Variants in NECTIN3 observed in about 807,000 individuals in gnomAD.
NECTIN3 encodes nectin cell adhesion molecule 3, also known as nectin-3.
Under a neutral mutation model 49.4 loss-of-function variants are expected in NECTIN3, and 8 were observed. The observed-to-expected ratio is 0.16, with a 90% CI of 0.10 to 0.29. NECTIN3 has a LOEUF of 0.29. NECTIN3 is among the 10% of genes least tolerant of loss of function. The pLI, the probability that NECTIN3 is intolerant of heterozygous loss-of-function variation, is 1.00. For missense variants in NECTIN3, 581 were observed against 654.6 expected, an observed-to-expected ratio of 0.89 and a Z score of 1.23; for synonymous variants, 277 against 241.1, an observed-to-expected ratio of 1.15 and a Z score of -1.38.
chr3:111,104,904 A>C (rs899605725), intron 1 of NECTIN3, among the ~76,000 whole-genome samples: 3 of 152,162 alleles, frequency 2.0e-5, no homozygotes, highest in Non-Finnish European at 4.4e-5. Context: ...GTTTCGAATA[A>C]AGATGGGAAT....
In NECTIN3 at chr3:111,118,684, G is replaced by T. The variant is rs545246400; in HGVS notation, c.531G>T (p.Gly177=). ...AACCCACTGTGAGCCTGATAAAAGG[G>T]CCAGATTCTTTAATTGATGGAGGAA... ...LVEPTVSLIK[G]PDSLIDGGNE... Residue 177 remains glycine, a synonymous_variant, in exon 3 of 6, where the codon GGG becomes GGT. Transcript: ENST00000485303. 6.2e-7 allele frequency: 1 copy of T among 1,608,944 alleles called. No homozygotes were observed. Among genetic ancestry groups the T allele is most frequent in the East Asian group, 2.2e-5 (1 of 44,592 alleles).
rs1217240846 is a variant in NECTIN3 at position 111,136,052 on chromosome 3, G to C, written c.*1837G>C. 1 of 980,632 alleles carries C rather than the reference G, an allele frequency of 1.0e-6. No homozygotes were observed. Among genetic ancestry groups the C allele is most frequent in the Non-Finnish European group, 1.2e-6 (1 of 825,926 alleles). 60.7% of individuals were successfully genotyped at this position (980,632 alleles called of 1,614,324 possible). ...AACTTTTTGATAAAACACTGTGATT[G>C]ATGTGACTTTATTTTTAATTTAAAC... On this transcript the variant is annotated 3_prime_UTR_variant, in exon 6 of 6. Transcript: ENST00000485303.
intron 1 of NECTIN3, among the ~76,000 whole-genome samples, chr3:111,086,722 C>T (rs928415411): frequency 2.0e-5 from 3 of 152,066 alleles, no homozygotes; most frequent in Non-Finnish European, 4.4e-5. Flanking sequence ...TTTTCCTTTC[C>T]ACATAAATTT....
In NECTIN3 at chr3:111,072,543, CT is replaced by C. The variant is rs771311098; in HGVS notation, c.160+373del. 3.9e-6 allele frequency: 6 copies of C among 1,535,634 alleles called. No individual in the cohort carries two copies. The South Asian group carries it at 4.8e-5, about 12-fold the overall frequency. On this transcript the variant is annotated intron_variant, in intron 1 of 5. Transcript: ENST00000485303. Reference sequence around the variant, plus strand: ...AAGGTGCCGGGATGCACGTTTGCCGCTTTTTTTCCCGGTGAAACTTGAGCTG... The same window carrying C: ...AAGGTGCCGGGATGCACGTTTGCCGCTTTTTTCCCGGTGAAACTTGAGCTG...
At chr3:111,131,148 A>T (rs1019940808) in intron 5 of NECTIN3, among the ~76,000 whole-genome samples, 5 of 152,062 alleles carry the variant, frequency 3.3e-5, no homozygotes, top group Non-Finnish European at 7.4e-5. Flanking sequence ...TATACCTTAG[A>T]AGACTAAAAT....
intron 1 of NECTIN3, among the ~76,000 whole-genome samples, chr3:111,107,416 G>T (rs760371232): frequency 2.0e-5 from 3 of 152,004 alleles, no homozygotes; most frequent in Non-Finnish European, 4.4e-5. Context: ...TTTAAATCAG[G>T]AAGACAGAGT....
At chr3:111,145,005 T>TGGG in exon 6 of NECTIN3, 1 of 1,536,244 alleles carries the variant, frequency 6.5e-7, no homozygotes, top group East Asian at 2.4e-5. Context: ...TGCTGACTCC[T>TGGG]CGAAAAAAAA....
intron 7 of NECTIN3, among the ~76,000 whole-genome samples, chr3:111,176,325 G>C (rs997780821): frequency 6.6e-6 from 1 of 152,126 alleles, no homozygotes; most frequent in Admixed American, 6.6e-5. Flanking sequence ...TGTATTATCT[G>C]CTTCACTTTC....
At chr3:111,126,784 G>A (rs2034179072) in intron 5 of NECTIN3, among the ~76,000 whole-genome samples, 1 of 151,954 alleles carries the variant, frequency 6.6e-6, no homozygotes, top group African/African-American at 2.4e-5. Flanking sequence ...ACTTAATATG[G>A]GACTATACCA....
chr3:111,169,311 C>T (rs924678072), intron 7 of NECTIN3, among the ~76,000 whole-genome samples: 1 of 149,388 alleles, frequency 6.7e-6, no homozygotes, highest in Middle Eastern at 3.3e-3. Flanking sequence ...AGGATGGTCT[C>T]GATCTCCTGA....
intron 7 of NECTIN3, among the ~76,000 whole-genome samples, chr3:111,183,287 A>T (rs1398071942): frequency 6.6e-6 from 1 of 151,980 alleles, no homozygotes; most frequent in Non-Finnish European, 1.5e-5. Flanking sequence ...ATCTACTGAT[A>T]AAACAATTTT....
rs771551537 is a variant in NECTIN3 at position 111,133,881 on chromosome 3, T to G, written c.1316T>G (p.Phe439Cys). Reference sequence around the variant, plus strand: ...AGACGGACGTTTCGTGGAGACTACTTTGCCAAGAACTACATTCCACCATCA... The same window carrying G: ...AGACGGACGTTTCGTGGAGACTACTGTGCCAAGAACTACATTCCACCATCA... ...RRRRTFRGDY[F>C]AKNYIPPSDM... The change falls in exon 6 of 6, where the codon TTT becomes TGT. Residue 439 changes from phenylalanine to cysteine, a missense_variant. Physicochemically the swap from Phe to Cys is radical, Grantham distance 205. Coordinates refer to ENST00000485303, the MANE Select transcript of NECTIN3 (RefSeq NM_015480.3). The G allele has an allele frequency of 6.2e-7, 1 of 1,613,922 alleles. No individual in the cohort carries two copies. Among genetic ancestry groups the G allele is most frequent in the East Asian group, 2.2e-5 (1 of 44,870 alleles).
intron 7 of NECTIN3, among the ~76,000 whole-genome samples, chr3:111,185,642 C>T (rs2035706950): frequency 1.3e-5 from 2 of 152,064 alleles, no homozygotes; most frequent in Non-Finnish European, 2.9e-5. Flanking sequence ...ATGCAGAGCA[C>T]CTTGTAGAGA....
chr3:111,086,623 A>C (rs916805848), intron 1 of NECTIN3, among the ~76,000 whole-genome samples: 2 of 152,204 alleles, frequency 1.3e-5, no homozygotes, highest in African/African-American at 4.8e-5. Context: ...TACAAGTATC[A>C]TAATGTCTCA....
intron 1 of NECTIN3, among the ~76,000 whole-genome samples, chr3:111,107,154 C>A (rs543390737): frequency 6.6e-6 from 1 of 151,906 alleles, no homozygotes; most frequent in Non-Finnish European, 1.5e-5. Context: ...TAGTTATATA[C>A]GTCATTACAT....
chr3:111,103,882 T>C (rs2033042245), intron 1 of NECTIN3, among the ~76,000 whole-genome samples: 1 of 152,156 alleles, frequency 6.6e-6, no homozygotes, highest in Non-Finnish European at 1.5e-5. Flanking sequence ...ATTGTATGGG[T>C]TTACCACAAT....
chr3:111,169,284 G>A (rs1377177045), intron 7 of NECTIN3, among the ~76,000 whole-genome samples: 1 of 150,218 alleles, frequency 6.7e-6, no homozygotes, highest in South Asian at 2.1e-4. Flanking sequence ...TAGAGACGGG[G>A]TTTCACCATG....
chr3:111,127,256 A>G (rs886794962), intron 5 of NECTIN3, among the ~76,000 whole-genome samples: 7 of 152,174 alleles, frequency 4.6e-5, no homozygotes, highest in Non-Finnish European at 1.0e-4. Context: ...TGCTTGCTTA[A>G]GTGTTATATT....
At chr3:111,165,852 A>G (rs774287750) in intron 7 of NECTIN3, among the ~76,000 whole-genome samples, 8 of 152,238 alleles carry the variant, frequency 5.3e-5, no homozygotes, top group Non-Finnish European at 1.0e-4. Flanking sequence ...TTGTAGCCAA[A>G]TATGAATAAA....
Sources: allele counts gnomAD v4.1 joint callset (sites outside exome capture counted in the v4.1 genomes callset), GRCh38; gene constraint gnomAD v4.1.1; transcripts MANE v1.5; gene names NCBI Gene and HGNC (gene_info 2026-07-23, HGNC 2026-07-21).